The following SYT16 variants were observed in gnomAD, a reference collection of about 807,000 sequenced individuals.
SYT16 encodes the protein synaptotagmin-16.
A neutral mutation model predicts 61.4 loss-of-function variants in SYT16; 42 were observed. The ratio of observed to expected loss-of-function variants is 0.68; its 90% CI spans 0.53 to 0.89. The LOEUF is 0.89. Among genes scored for constraint, SYT16 ranks in the 40% least tolerant of loss-of-function variants. The pLI is 0.00. For synonymous variants in SYT16, 314 were observed against 302.3 expected (o/e 1.04, Z -0.40); for missense variants, 804 against 807.3 (o/e 1.00, Z 0.05).
chr14:61,955,864 A>G (rs546063073), intron 1 of SYT16, among the ~76,000 whole-genome samples: 1 of 152,114 alleles, frequency 6.6e-6, no homozygotes, highest in Non-Finnish European at 1.5e-5. Flanking sequence ...AGGAATATCC[A>G]TCTTGGTTTT....
intron 3 of SYT16, among the ~76,000 whole-genome samples, chr14:62,068,240 A>AT (rs56861431): frequency 0.1 from 15,684 of 152,106 alleles, 1,023 homozygotes; most frequent in African/African-American, 0.19. Flanking sequence ...TGAAAAAAAA[A>AT]TTTTTAAAAA....
chr14:61,828,913 T>G (rs1015917649), intron 1 of SYT16, among the ~76,000 whole-genome samples: 12 of 152,134 alleles, frequency 7.9e-5, no homozygotes, highest in Non-Finnish European at 1.8e-4. Flanking sequence ...ATCATGGAAA[T>G]GTTAGGGAAA....
chr14:62,060,802 TAGAA>T (rs2140917366), intron 3 of SYT16, among the ~76,000 whole-genome samples: 1 of 152,182 alleles, frequency 6.6e-6, no homozygotes, highest in South Asian at 2.1e-4. Flanking sequence ...ATGTCTTTGT[TAGAA>T]GGAGTTTATA....
intron 2 of SYT16, among the ~76,000 whole-genome samples, chr14:61,995,534 C>A (rs1482366964): frequency 6.6e-6 from 1 of 152,048 alleles, no homozygotes; most frequent in Admixed American, 6.6e-5. Context: ...AAACATCTGA[C>A]CTTTTTTGCG....
chr14:62,041,469 G>A (rs796652098), intron 3 of SYT16, among the ~76,000 whole-genome samples: 9 of 152,222 alleles, frequency 5.9e-5, no homozygotes, highest in African/African-American at 2.2e-4. Context: ...TGTTGAATTG[G>A]TGGGCTTATA....
intron 1 of SYT16, among the ~76,000 whole-genome samples, chr14:61,914,704 C>T (rs1390472061): frequency 6.6e-6 from 1 of 152,168 alleles, no homozygotes; most frequent in Non-Finnish European, 1.5e-5. Context: ...GGTTTCTCCT[C>T]AAAAATATAT....
At chr14:61,973,292 A>G (rs988728328) in intron 2 of SYT16, among the ~76,000 whole-genome samples, 1 of 152,204 alleles carries the variant, frequency 6.6e-6, no homozygotes, top group African/African-American at 2.4e-5. Context: ...GGGGACAAAG[A>G]AACTGGAATG....
chr14:62,049,547 A>G (rs928411781), intron 3 of SYT16, among the ~76,000 whole-genome samples: 2 of 152,154 alleles, frequency 1.3e-5, no homozygotes, highest in Non-Finnish European at 2.9e-5. Context: ...TTTGCTCGTT[A>G]GTTGATGCAG....
intron 1 of SYT16, among the ~76,000 whole-genome samples, chr14:61,867,364 G>A (rs1435680663): frequency 6.6e-6 from 1 of 152,006 alleles, no homozygotes; most frequent in Non-Finnish European, 1.5e-5. Context: ...TTGAAAAGGA[G>A]GAAGTAAAAC....
chr14:61,915,098 A>G (rs1223314672), intron 1 of SYT16, among the ~76,000 whole-genome samples: 7 of 152,166 alleles, frequency 4.6e-5, no homozygotes, highest in African/African-American at 1.7e-4. Context: ...GTTTGAGATG[A>G]CAATAAATGA....
At chr14:61,934,318 C>A (rs1006739307) in intron 1 of SYT16, among the ~76,000 whole-genome samples, 1 of 152,166 alleles carries the variant, frequency 6.6e-6, no homozygotes, top group African/African-American at 2.4e-5. Flanking sequence ...AAGTACATGG[C>A]AAGTCAACAA....
At chr14:61,817,094 G>A (rs887755439) in intron 1 of SYT16, among the ~76,000 whole-genome samples, 2 of 151,162 alleles carry the variant, frequency 1.3e-5, no homozygotes, top group African/African-American at 2.4e-5. Context: ...TGGAGTATAC[G>A]AACTTAACCA....
In SYT16 at chr14:62,110,617, C is replaced by T. The variant is rs1295194520; in HGVS notation, c.*9910C>T. Reference sequence around the variant, plus strand: ...TGTCTGAATACAAGTTATAGTTGGTCTTTAGCTGTTCTGTCTCTGAGGAGC... The same window carrying T: ...TGTCTGAATACAAGTTATAGTTGGTTTTTAGCTGTTCTGTCTCTGAGGAGC... On this transcript the variant is annotated 3_prime_UTR_variant, in exon 8 of 8. Coordinates refer to ENST00000683842, the MANE Select transcript of SYT16 (RefSeq NM_001367656.1). The T allele has an allele frequency of 6.6e-6, 1 of 152,068 alleles. No homozygotes were observed. The highest frequency in any genetic ancestry group is 2.4e-5 in the African/African-American group (1 of 41,430). 9.4% of individuals were successfully genotyped at this position (152,068 alleles called of 1,614,324 possible).
chr14:62,025,346 G>C (rs894708882), intron 3 of SYT16, among the ~76,000 whole-genome samples: 2 of 152,086 alleles, frequency 1.3e-5, no homozygotes, highest in South Asian at 4.1e-4. Flanking sequence ...CCTGAATGAT[G>C]TATGAGGGTG....
chr14:61,879,713 C>G (rs1226068339), intron 1 of SYT16, among the ~76,000 whole-genome samples: 1 of 152,150 alleles, frequency 6.6e-6, no homozygotes, highest in African/African-American at 2.4e-5. Flanking sequence ...TCTCTCTTTT[C>G]CTTTTTTACT....
At chr14:61,937,910 T>G (rs1021608897) in intron 1 of SYT16, among the ~76,000 whole-genome samples, 53 of 152,226 alleles carry the variant, frequency 3.5e-4, no homozygotes, top group African/African-American at 1.3e-3. Context: ...TGTACAAGTA[T>G]AAGGGTCAAA....
At chr14:61,836,841 A>G (rs368002475) in intron 1 of SYT16, among the ~76,000 whole-genome samples, 1 of 152,186 alleles carries the variant, frequency 6.6e-6, no homozygotes, top group Non-Finnish European at 1.5e-5. Context: ...CTAAACTTCT[A>G]TGAATTTTTT....
At chr14:61,900,930 T>G (rs2048492396) in intron 1 of SYT16, among the ~76,000 whole-genome samples, 1 of 152,362 alleles carries the variant, frequency 6.6e-6, no homozygotes, top group African/African-American at 2.4e-5. Flanking sequence ...GTGGACTGGA[T>G]GCCAGGTGGC....
At chr14:62,051,276 C>T (rs570184505) in intron 3 of SYT16, among the ~76,000 whole-genome samples, 8 of 152,324 alleles carry the variant, frequency 5.3e-5, no homozygotes, top group South Asian at 4.1e-4. Context: ...GAGCCATGTG[C>T]GGGATATAAT....
Sources: gnomAD v4.1 joint callset for allele counts (sites outside exome capture counted in the v4.1 genomes callset) on GRCh38, gnomAD v4.1.1 for gene constraint, MANE v1.5 for transcripts, NCBI Gene and HGNC (gene_info 2026-07-23, HGNC 2026-07-21) for gene names.